CEP43: variants seen among roughly 807,000 people sequenced by gnomAD.
CEP43 encodes FGFR1 oncogene partner.
Under a neutral mutation model 52.6 loss-of-function variants are expected in CEP43, and 36 were observed. That is an observed-to-expected ratio of 0.68 (90% confidence interval 0.52 to 0.90). The LOEUF (loss-of-function observed/expected upper bound fraction) is 0.90, where lower values mean the gene tolerates loss of function less well. Ranked by LOEUF, CEP43 falls within the 40% of genes least tolerant of loss-of-function variation. CEP43 has a pLI of 0.00. For missense variants in CEP43, 506 were observed against 472.8 expected (o/e 1.07, Z -0.65); for synonymous variants, 192 against 172.4 (o/e 1.11, Z -0.89).
chr6:167,024,431 G>A (rs949744529), intron 8 of CEP43, among the ~76,000 whole-genome samples: 1 of 152,082 alleles, frequency 6.6e-6, no homozygotes, highest in Non-Finnish European at 1.5e-5. Context: ...TCTGAGAGGT[G>A]GCACTTATTT....
At chr6:167,022,707 A>ACTAT in intron 8 of CEP43, 72 bp downstream of exon 8, 1 of 983,356 alleles carries the variant, frequency 1.0e-6, no homozygotes, top group Non-Finnish European at 1.5e-6. Flanking sequence ...TTTATAGTTA[A>ACTAT]AAAATAATGA....
chr6:167,028,390 G>T, intron 10 of CEP43: 4 of 985,336 alleles, frequency 4.1e-6, no homozygotes, highest in Non-Finnish European at 3.6e-6. Context: ...GGCATATCTC[G>T]GGTTGGAATT....
chr6:167,033,414 C>T (rs1207130239), intron 11 of CEP43, among the ~76,000 whole-genome samples: 1 of 152,168 alleles, frequency 6.6e-6, no homozygotes, highest in South Asian at 2.1e-4. Flanking sequence ...CTGTCGATTC[C>T]TTTCTTATAC....
At position 167,010,799 on chromosome 6, in the gene CEP43, CTA is replaced by C. The variant is rs1295185477; in HGVS notation, c.439-13_439-12del. 7.2e-7 allele frequency: 1 copy of C among 1,395,746 alleles called. No individual in the cohort carries two copies. The allele number at this position is 1,395,746 out of a possible 1,614,324, so 86.5% of individuals were successfully genotyped here. ...TTTTTAAATGTATTTTAATTTTAAA[CTA>C]AAATATTTTAGGGTGCACTTGATCT... On this transcript the variant is annotated splice_polypyrimidine_tract_variant and intron_variant, in intron 5 of 12. Transcript: ENST00000366847.
chr6:167,009,987 A>G (rs1278167432), intron 5 of CEP43, among the ~76,000 whole-genome samples: 1 of 152,230 alleles, frequency 6.6e-6, no homozygotes, highest in East Asian at 1.9e-4. Context: ...CAGTTTAAGG[A>G]TTTTAGCCTA....
At position 167,049,306 on chromosome 6, in the gene CEP43, C is replaced by T. The variant is rs1337435307; in HGVS notation, c.*9328C>T. The T allele has an allele frequency of 6.6e-6, 1 of 152,222 alleles. No individual in the cohort carries two copies. The highest frequency in any genetic ancestry group is 2.4e-5 in the African/African-American group (1 of 41,466). The allele number at this position is 152,222 out of a possible 1,614,324, so 9.4% of individuals were successfully genotyped here. A position where few individuals can be genotyped will look rare whatever the true frequency, so the allele number is the denominator to read the frequency against. On this transcript the variant is annotated 3_prime_UTR_variant, in exon 13 of 13. Transcript: ENST00000366847. Reference sequence around the variant, plus strand: ...TTCAAGTGCTATAAAACAATTACCACAGTAAATTTTGAAAAATTCACCCCA... The same window carrying T: ...TTCAAGTGCTATAAAACAATTACCATAGTAAATTTTGAAAAATTCACCCCA...
At chr6:167,036,618 C>T (rs1448233084) in intron 12 of CEP43, 16 of 985,218 alleles carry the variant, frequency 1.6e-5, no homozygotes, top group African/African-American at 8.7e-5. Flanking sequence ...TACAAGTTCC[C>T]GTCGATTTGT....
intron 2 of CEP43, among the ~76,000 whole-genome samples, chr6:167,001,047 T>C (rs1779723932): frequency 6.6e-6 from 1 of 152,244 alleles, no homozygotes; most frequent in South Asian, 2.1e-4. Flanking sequence ...TAGCCTTCTA[T>C]GTCACCCCTG....
In CEP43 at chr6:167,033,862, C is replaced by G; in HGVS notation, c.1029-13C>G. ...TTCAGAGTTCTTATTTTTTTTTCCCCTTCTGAAATTAGTACCAGCCATCGC... is the reference window on the plus strand; with the variant it reads ...TTCAGAGTTCTTATTTTTTTTTCCCGTTCTGAAATTAGTACCAGCCATCGC... On this transcript the variant is annotated splice_polypyrimidine_tract_variant and intron_variant, in intron 11 of 12. Coordinates refer to ENST00000366847, the MANE Select transcript of CEP43 (RefSeq NM_007045.4). 1 of 1,386,688 alleles carries G rather than the reference C, an allele frequency of 7.2e-7. No homozygotes were observed. The highest frequency in any genetic ancestry group is 1.5e-5 in the African/African-American group (1 of 68,648). 85.9% of individuals were successfully genotyped at this position (1,386,688 alleles called of 1,614,324 possible).
In CEP43 at chr6:167,041,233, A is replaced by G; in HGVS notation, c.*1255A>G. On this transcript the variant is annotated 3_prime_UTR_variant, in exon 13 of 13. Coordinates refer to ENST00000366847, the MANE Select transcript of CEP43 (RefSeq NM_007045.4). ...CAGTTTCTCATTTCATATTAGCCTA[A>G]ATATTACAGAAATTACTCCTTGGGC... The G allele has an allele frequency of 9.5e-7, 1 of 1,047,708 alleles. No individual in the cohort carries two copies. Among genetic ancestry groups the G allele is most frequent in the Non-Finnish European group, 1.2e-6 (1 of 868,394 alleles). 64.9% of individuals were successfully genotyped at this position (1,047,708 alleles called of 1,614,324 possible).
chr6:167,029,229 C>T (rs1234477759), intron 10 of CEP43, among the ~76,000 whole-genome samples: 1 of 152,120 alleles, frequency 6.6e-6, no homozygotes, highest in Non-Finnish European at 1.5e-5. Flanking sequence ...GGGGTAAGGG[C>T]AGATAAGACA....
In CEP43 at chr6:167,022,395, C is replaced by A; in HGVS notation, c.580-14C>A. Reference sequence around the variant, plus strand: ...CTCACCAAGGAGGCCTTTTCTCTTTCCCTCTCTTTCTAGAAGGCCAATGAT... The same window carrying A: ...CTCACCAAGGAGGCCTTTTCTCTTTACCTCTCTTTCTAGAAGGCCAATGAT... On this transcript the variant is annotated splice_polypyrimidine_tract_variant and intron_variant, in intron 7 of 12. Transcript: ENST00000366847. 1 of 1,582,814 alleles carries A rather than the reference C, an allele frequency of 6.3e-7. No homozygotes were observed.
At chr6:167,016,223 A>G (rs900686344) in intron 7 of CEP43, among the ~76,000 whole-genome samples, 2 of 152,210 alleles carry the variant, frequency 1.3e-5, no homozygotes, top group African/African-American at 4.8e-5. Context: ...TAAATGTAAT[A>G]TGAAAGATCA....
intron 8 of CEP43, among the ~76,000 whole-genome samples, chr6:167,024,555 G>T (rs1394574625): frequency 6.6e-6 from 1 of 152,182 alleles, no homozygotes; most frequent in Admixed American, 6.5e-5. Flanking sequence ...GAATTCTAAA[G>T]AGAGGTGAGC....
At chr6:167,035,945 G>T (rs1004157802) in intron 12 of CEP43, 7 of 523,304 alleles carry the variant, frequency 1.3e-5, no homozygotes, top group African/African-American at 1.0e-4. Context: ...AGAGATAAGC[G>T]TGTAAAGCAT....
Position 167,033,977 on chromosome 6 carries a change from G to C in CEP43, c.1125+6G>C, listed in dbSNP as rs770602605. ...ACATCAATACCAGTGATAAGGTATGGTGTTCTGCATTTCCCATAGAGTGCT... is the reference window on the plus strand; with the variant it reads ...ACATCAATACCAGTGATAAGGTATGCTGTTCTGCATTTCCCATAGAGTGCT... On this transcript the variant is annotated splice_donor_region_variant and intron_variant, in intron 12 of 12. Transcript: ENST00000366847. The C allele has an allele frequency of 8.6e-6, 12 of 1,401,938 alleles. No individual in the cohort carries two copies. The highest frequency in any genetic ancestry group is 1.2e-5 in the Non-Finnish European group (12 of 1,014,900). 86.8% of individuals were successfully genotyped at this position (1,401,938 alleles called of 1,614,324 possible). A position where few individuals can be genotyped will look rare whatever the true frequency, so the allele number is the denominator to read the frequency against.
Position 167,041,821 on chromosome 6 carries a change from T to C in CEP43, c.*1843T>C. 1 of 933,424 alleles carries C rather than the reference T, an allele frequency of 1.1e-6. No homozygotes were observed. The highest frequency in any genetic ancestry group is 1.3e-6 in the Non-Finnish European group (1 of 777,840). The allele number at this position is 933,424 out of a possible 1,614,324, so 57.8% of individuals were successfully genotyped here. A position where few individuals can be genotyped will look rare whatever the true frequency, so the allele number is the denominator to read the frequency against. On this transcript the variant is annotated 3_prime_UTR_variant, in exon 13 of 13. Coordinates refer to ENST00000366847, the MANE Select transcript of CEP43 (RefSeq NM_007045.4). ...CTTTTTTGTCAGCACTACATACATC[T>C]TTTTTTTGCGGGGGGCGGGGGGGAC...
chr6:167,040,216 A>C lies in CEP43; in HGVS notation c.*238A>C. ...TTTAACTGTACATTTCTTTATGGAA[A>C]TTGATTATCTACACTCAGTTTCATT... On this transcript the variant is annotated 3_prime_UTR_variant, in exon 13 of 13. Transcript: ENST00000366847. 1 of 1,526,536 alleles carries C rather than the reference A, an allele frequency of 6.6e-7. No individual in the cohort carries two copies. The allele number at this position is 1,526,536 out of a possible 1,614,324, so 94.6% of individuals were successfully genotyped here. A position where few individuals can be genotyped will look rare whatever the true frequency, so the allele number is the denominator to read the frequency against.
chr6:167,041,844 G>GGGGGGGCCC lies in CEP43; in HGVS notation c.*1866_*1867insGGGGGGCCC. On this transcript the variant is annotated 3_prime_UTR_variant, in exon 13 of 13. Transcript: ENST00000366847. ...TCTTTTTTTTGCGGGGGGCGGGGGGGACAGAGTCTCACTGTGTCACTCAGA... is the reference window on the plus strand; with the variant it reads ...TCTTTTTTTTGCGGGGGGCGGGGGGGGGGGGGCCCACAGAGTCTCACTGTGTCACTCAGA... 1 of 144,930 alleles carries GGGGGGGCCC rather than the reference G, an allele frequency of 6.9e-6. No individual in the cohort carries two copies. Among genetic ancestry groups the GGGGGGGCCC allele is most frequent in the Non-Finnish European group, 1.2e-5 (1 of 80,402 alleles). 9.0% of individuals were successfully genotyped at this position (144,930 alleles called of 1,614,324 possible). A position where few individuals can be genotyped will look rare whatever the true frequency, so the allele number is the denominator to read the frequency against.
Sources: allele counts gnomAD v4.1 joint callset (sites outside exome capture counted in the v4.1 genomes callset), GRCh38; gene constraint gnomAD v4.1.1; transcripts MANE v1.5; gene names NCBI Gene and HGNC (gene_info 2026-07-23, HGNC 2026-07-21).